The following INTS9 variants were observed in gnomAD, a reference collection of about 807,000 sequenced individuals.
The protein encoded by INTS9 is protein related to CPSF subunits of 74 kDa.
Under a neutral mutation model 79.7 loss-of-function variants are expected in INTS9, and 55 were observed. That is an observed-to-expected ratio of 0.69 (90% confidence interval 0.56 to 0.86). The LOEUF (loss-of-function observed/expected upper bound fraction) is 0.86, where lower values mean the gene tolerates loss of function less well. INTS9 is among the 40% of genes least tolerant of loss of function. INTS9 has a pLI of 0.00. For missense variants in INTS9, 721 were observed against 831.5 expected, an observed-to-expected ratio of 0.87 and a Z score of 1.64; for synonymous variants, 319 against 325.2, an observed-to-expected ratio of 0.98 and a Z score of 0.20.
chr8:28,774,360 A>C (rs373893872), intron 14 of INTS9, among the ~76,000 whole-genome samples: 4 of 152,222 alleles, frequency 2.6e-5, no homozygotes, highest in South Asian at 4.1e-4. Context: ...CTCATATAGC[A>C]AACATCAATA....
chr8:28,851,470 C>T (rs1312148344), intron 2 of INTS9, among the ~76,000 whole-genome samples: 1 of 150,654 alleles, frequency 6.6e-6, no homozygotes, highest in African/African-American at 2.5e-5. Context: ...CAGAGTCTCA[C>T]TCTGTCGCCC....
In INTS9 at chr8:28,775,930, A is replaced by G; in HGVS notation, c.1396-4T>C. 2.6e-6 allele frequency: 4 copies of G among 1,546,678 alleles called. No individual in the cohort carries two copies. Among genetic ancestry groups the G allele is most frequent in the Non-Finnish European group, 3.5e-6 (4 of 1,146,222 alleles). On this transcript the variant is annotated splice_region_variant and splice_polypyrimidine_tract_variant and intron_variant, in intron 13 of 16. Transcript: ENST00000521022. ...CAGGACACACCACGTGCAGGGGCTGAGGAACCAATGGGACAGTTGAGAAAG... is the reference window on the plus strand; with the variant it reads ...CAGGACACACCACGTGCAGGGGCTGGGGAACCAATGGGACAGTTGAGAAAG...
chr8:28,768,147 C>G lies in INTS9; in HGVS notation c.1976G>C (p.Ter659SerextTer40), dbSNP rs1016478841. ...AGGGAAGTAGCTCAGATGGCCCACT[C>G]AGAACTTCTGTAAGAATTTGAGGAC... ...DLVLKFLQKF[*>S] Residue 659 changes from the stop codon to serine (S), a stop_lost, in exon 17 of 17, where the codon TGA becomes TCA. Coordinates refer to ENST00000521022, the MANE Select transcript of INTS9 (RefSeq NM_018250.4). The G allele has an allele frequency of 1.2e-6, 2 of 1,613,968 alleles. No individual in the cohort carries two copies. The highest frequency in any genetic ancestry group is 1.7e-6 in the Non-Finnish European group (2 of 1,180,024).
chr8:28,860,775 C>T (rs1413999053), intron 1 of INTS9, among the ~76,000 whole-genome samples: 2 of 152,198 alleles, frequency 1.3e-5, no homozygotes, highest in Non-Finnish European at 2.9e-5. Context: ...AGCCATGGCG[C>T]CCGACCCTCT....
chr8:28,885,415 T>G (rs1810130962), intron 1 of INTS9, among the ~76,000 whole-genome samples: 1 of 152,212 alleles, frequency 6.6e-6, no homozygotes, highest in African/African-American at 2.4e-5. Context: ...CACATTCAAA[T>G]TTGTGTCTCA....
intron 1 of INTS9, among the ~76,000 whole-genome samples, chr8:28,877,108 A>C (rs1038458638): frequency 2.0e-5 from 3 of 152,158 alleles, no homozygotes; most frequent in African/African-American, 7.2e-5. Context: ...AAAATGTAAA[A>C]ATCTAAGTTT....
intron 12 of INTS9, 26 bp downstream of exon 12, chr8:28,780,797 T>C (rs1451881211): frequency 6.2e-7 from 1 of 1,611,360 alleles, no homozygotes; most frequent in Admixed American, 1.7e-5. Context: ...AGAGAACCAA[T>C]TTGTTTCTTT....
At chr8:28,769,157 A>G (rs1802382087) in intron 16 of INTS9, among the ~76,000 whole-genome samples, 1 of 152,230 alleles carries the variant, frequency 6.6e-6, no homozygotes, top group African/African-American at 2.4e-5. Flanking sequence ...ATCCTAGGAA[A>G]GGGAAAGCCT....
At chr8:28,775,210 G>A (rs1005970870) in intron 14 of INTS9, among the ~76,000 whole-genome samples, 2 of 152,136 alleles carry the variant, frequency 1.3e-5, no homozygotes, top group African/African-American at 2.4e-5. Flanking sequence ...CCCATGATGT[G>A]GCCCAGGGCT....
chr8:28,835,301 T>C lies in INTS9; in HGVS notation c.479A>G (p.Asp160Gly), dbSNP rs1244951293. 2 of 1,612,974 alleles carry C rather than the reference T, an allele frequency of 1.2e-6. No homozygotes were observed. The highest frequency in any genetic ancestry group is 1.7e-6 in the Non-Finnish European group (2 of 1,179,148). ...GTGGTCTGTTCCTCACCTCTGAATG[T>C]CCTTATTCTTCCACAAGGAGGCAGA... ...AQSASLWKNKDIQRLLPSPLK... is the reference protein window; with the variant it reads ...AQSASLWKNKGIQRLLPSPLK... The change falls in exon 6 of 17, where the codon GAC (aspartate) becomes GGC (glycine). Residue 160 changes from aspartate (D) to glycine (G), a missense_variant. Physicochemically the swap from Asp to Gly is moderately conservative, Grantham distance 94. Around this residue, in one of 3 missense-constraint regions of INTS9, gnomAD observed 291 missense variants for 307.0 expected, o/e 0.95. Coordinates refer to ENST00000521022, the MANE Select transcript of INTS9 (RefSeq NM_018250.4).
chr8:28,797,214 C>T (rs1471576461), intron 8 of INTS9, among the ~76,000 whole-genome samples: 4 of 152,132 alleles, frequency 2.6e-5, no homozygotes, highest in African/African-American at 4.8e-5. Context: ...GAGAAGCATA[C>T]GTTATAGAAT....
chr8:28,769,315 A>G (rs540891670), intron 16 of INTS9, among the ~76,000 whole-genome samples: 2 of 152,336 alleles, frequency 1.3e-5, no homozygotes, highest in East Asian at 3.9e-4. Context: ...TCTTCCTATC[A>G]AAGATTCTAT....
At chr8:28,878,600 G>A (rs1198957838) in intron 1 of INTS9, among the ~76,000 whole-genome samples, 1 of 150,532 alleles carries the variant, frequency 6.6e-6, no homozygotes, top group Non-Finnish European at 1.5e-5. Context: ...GGGATTATAG[G>A]TGTCAGCCAC....
intron 4 of INTS9, among the ~76,000 whole-genome samples, chr8:28,843,038 G>A (rs1464372483): frequency 6.6e-6 from 1 of 152,182 alleles, no homozygotes; most frequent in Non-Finnish European, 1.5e-5. Flanking sequence ...GTGGCCAAGT[G>A]CATTGTCCAA....
intron 1 of INTS9, among the ~76,000 whole-genome samples, chr8:28,885,382 A>C (rs1810128389): frequency 1.3e-5 from 2 of 152,206 alleles, no homozygotes; most frequent in Admixed American, 1.3e-4. Flanking sequence ...CCCCTCCCAA[A>C]GGATTAACAT....
chr8:28,848,038 A>C (rs1807625616), intron 3 of INTS9, among the ~76,000 whole-genome samples: 1 of 152,198 alleles, frequency 6.6e-6, no homozygotes, highest in South Asian at 2.1e-4. Flanking sequence ...AGTCTGAGAG[A>C]TATGGGTGGG....
intron 6 of INTS9, among the ~76,000 whole-genome samples, chr8:28,820,618 T>C (rs1361130074): frequency 6.6e-6 from 1 of 152,136 alleles, no homozygotes; most frequent in African/African-American, 2.4e-5. Context: ...TGTCTTGGAG[T>C]TGCTCTTCTC....
intron 1 of INTS9, among the ~76,000 whole-genome samples, chr8:28,879,837 G>A (rs1480817494): frequency 6.6e-6 from 1 of 152,138 alleles, no homozygotes; most frequent in Non-Finnish European, 1.5e-5. Flanking sequence ...TATCAAATGA[G>A]TTAATTTACA....
intron 2 of INTS9, among the ~76,000 whole-genome samples, chr8:28,854,653 C>T (rs1425026550): frequency 6.6e-6 from 1 of 152,076 alleles, no homozygotes; most frequent in Non-Finnish European, 1.5e-5. Context: ...TAGGTGCCAG[C>T]GATAGGACTG....
Sources: allele counts gnomAD v4.1 joint callset (sites outside exome capture counted in the v4.1 genomes callset), GRCh38; gene constraint gnomAD v4.1.1; regional missense constraint gnomAD v4.1.1; transcripts MANE v1.5; gene names NCBI Gene and HGNC (gene_info 2026-07-23, HGNC 2026-07-21).